The following ARHGAP6 variants were observed in gnomAD, a reference collection of about 807,000 sequenced individuals.
ARHGAP6 encodes rho GTPase-activating protein 6.
Under a neutral mutation model 55.7 loss-of-function variants are expected in ARHGAP6, and 16 were observed. The ratio of observed to expected loss-of-function variants is 0.29; its 90% CI spans 0.19 to 0.44. The LOEUF (loss-of-function observed/expected upper bound fraction) is 0.44. Among genes scored for constraint, ARHGAP6 ranks in the 20% least tolerant of loss-of-function variants. ARHGAP6 has a pLI of 1.00. For synonymous variants in ARHGAP6, 382 were observed against 360.9 expected, an observed-to-expected ratio of 1.06 and a Z score of -0.66; for missense variants, 698 against 808.9, an observed-to-expected ratio of 0.86 and a Z score of 1.66.
At chrX:11,514,211 G>GCCTGAATT (rs2050813746) in intron 1 of ARHGAP6, among the ~76,000 whole-genome samples, 1 of 102,966 alleles carries the variant, frequency 9.7e-6, no homozygotes, top group African/African-American at 3.6e-5. Flanking sequence ...AACGGAAAGT[G>GCCTGAATT]CCTGAATTCC....
At chrX:11,481,299 T>C (rs898871465) in intron 1 of ARHGAP6, among the ~76,000 whole-genome samples, 1 of 111,852 alleles carries the variant, frequency 8.9e-6, no homozygotes, top group Non-Finnish European at 1.9e-5. Flanking sequence ...CTAAGAGTAA[T>C]TTTTTTTCAC....
intron 2 of ARHGAP6, among the ~76,000 whole-genome samples, chrX:11,232,156 T>G (rs1426868964): frequency 2.7e-5 from 3 of 111,725 alleles, no homozygotes; most frequent in East Asian, 5.6e-4. Flanking sequence ...GTTATTCGAG[T>G]GTGCTATTGA....
At chrX:11,174,574 C>CTTCCTTTCTTTCTT (rs1569241197) in intron 8 of ARHGAP6, among the ~76,000 whole-genome samples, 39 of 43,562 alleles carry the variant, frequency 9.0e-4, no homozygotes, top group Non-Finnish European at 1.5e-3. Flanking sequence ...TCCTTCCTTC[C>CTTCCTTTCTTTCTT]TTTCTTTCTT....
chrX:11,264,232 A>T (rs2047596346), intron 1 of ARHGAP6, among the ~76,000 whole-genome samples: 1 of 111,699 alleles, frequency 9.0e-6, no homozygotes, highest in Non-Finnish European at 1.9e-5. Flanking sequence ...GTAAAAAAAA[A>T]AATCAAACAA....
chrX:11,520,790 T>C (rs1045650910), intron 1 of ARHGAP6, among the ~76,000 whole-genome samples: 3 of 111,689 alleles, frequency 2.7e-5, no homozygotes, highest in Non-Finnish European at 5.6e-5. Flanking sequence ...GGTGTAAAAG[T>C]GTTCCTATTT....
chrX:11,236,353 C>T (rs974570726), intron 2 of ARHGAP6, among the ~76,000 whole-genome samples: 2 of 111,620 alleles, frequency 1.8e-5, no homozygotes, highest in South Asian at 3.8e-4. Context: ...CAATTACCTC[C>T]CACTGGGTCC....
In ARHGAP6 at chrX:11,537,593, C is replaced by T. The variant is rs900858270; in HGVS notation, c.588+126648G>A. On this transcript the variant is annotated intron_variant, in intron 1 of 12. Transcript: ENST00000337414. Reference sequence around the variant, plus strand: ...TTATTAGCCATGGTATTTGAAATATCCCAAGTTCTGAACTTTTGTTCAACT... The same window carrying T: ...TTATTAGCCATGGTATTTGAAATATTCCAAGTTCTGAACTTTTGTTCAACT... Among the ~76,000 whole-genome samples the T allele has an allele frequency of 4.5e-5, 5 of 112,100 alleles. No individual in the cohort carries two copies. In the Admixed American group the frequency reaches 4.8e-4, roughly 11 times the overall value.
intron 1 of ARHGAP6, among the ~76,000 whole-genome samples, chrX:11,564,159 G>T (rs2051417810): frequency 9.0e-6 from 1 of 111,553 alleles, no homozygotes; most frequent in African/African-American, 3.2e-5. Flanking sequence ...AATATATACA[G>T]GTTAAATAAT....
chrX:11,517,196 C>A (rs766777325), intron 1 of ARHGAP6, among the ~76,000 whole-genome samples: 1 of 111,945 alleles, frequency 8.9e-6, no homozygotes, highest in East Asian at 2.8e-4. Flanking sequence ...TTAGCCCAGG[C>A]ATGACCTTCT....
intron 2 of ARHGAP6, among the ~76,000 whole-genome samples, chrX:11,228,772 T>C (rs1200081305): frequency 2.7e-5 from 3 of 112,354 alleles, no homozygotes; most frequent in Non-Finnish European, 5.6e-5. Flanking sequence ...CTTTAACCAC[T>C]GTTATTCTGA....
intron 1 of ARHGAP6, among the ~76,000 whole-genome samples, chrX:11,572,337 C>G (rs1019818337): frequency 9.1e-6 from 1 of 109,912 alleles, no homozygotes; most frequent in African/African-American, 3.3e-5. Context: ...ATCCCTCCCC[C>G]CTCCTCCCAC....
chrX:11,173,748 A>C, intron 8 of ARHGAP6, among the ~76,000 whole-genome samples: 1 of 112,193 alleles, frequency 8.9e-6, no homozygotes, highest in East Asian at 2.8e-4. Flanking sequence ...CCAGTGAATG[A>C]TGCATTGAAT....
intron 1 of ARHGAP6, among the ~76,000 whole-genome samples, chrX:11,519,035 T>G (rs2050881993): frequency 1.1e-5 from 1 of 94,733 alleles, no homozygotes. Context: ...AGTCTATCAT[T>G]GTTGGACATT....
rs1014538700 is a variant in ARHGAP6 at position 11,646,762 on chromosome X, C to G, written c.588+17479G>C. Among the ~76,000 whole-genome samples the G allele has an allele frequency of 2.7e-4, 30 of 111,532 alleles. No individual in the cohort carries two copies. The Admixed American group carries it at 2.9e-3, about 11-fold the overall frequency. On this transcript the variant is annotated intron_variant, in intron 1 of 12. Coordinates refer to ENST00000337414, the MANE Select transcript of ARHGAP6 (RefSeq NM_013427.3). ...GAAATAAACTAAGACATGACATAAG[C>G]CAAACAAACAAAATTGTTGAGAAAA...
At chrX:11,527,136 CAG>C (rs2050998901) in intron 1 of ARHGAP6, among the ~76,000 whole-genome samples, 3 of 108,109 alleles carry the variant, frequency 2.8e-5, no homozygotes, top group African/African-American at 1.0e-4. Flanking sequence ...GTCTAGGCTC[CAG>C]AGTTAAATTT....
At chrX:11,473,523 A>C (rs767470975) in intron 1 of ARHGAP6, among the ~76,000 whole-genome samples, 1 of 111,648 alleles carries the variant, frequency 9.0e-6, no homozygotes, top group Non-Finnish European at 1.9e-5. Flanking sequence ...AAAGAAGTCC[A>C]TGTGACAATG....
chrX:11,455,693 T>C (rs952123477), intron 1 of ARHGAP6, among the ~76,000 whole-genome samples: 2 of 111,962 alleles, frequency 1.8e-5, no homozygotes, highest in African/African-American at 3.2e-5. Context: ...TCTCCAATTG[T>C]AGTTTTCATC....
At chrX:11,636,713 G>A (rs2052424022) in intron 1 of ARHGAP6, among the ~76,000 whole-genome samples, 1 of 111,880 alleles carries the variant, frequency 8.9e-6, no homozygotes, top group Admixed American at 9.5e-5. Context: ...AATCAATTAA[G>A]ATTTTGAAAA....
At chrX:11,391,746 T>G (rs954059772) in intron 1 of ARHGAP6, among the ~76,000 whole-genome samples, 3 of 112,670 alleles carry the variant, frequency 2.7e-5, no homozygotes, top group African/African-American at 9.7e-5. Context: ...GAGTGAAGCT[T>G]GATCTTTGGC....
Sources: allele counts gnomAD v4.1 joint callset (sites outside exome capture counted in the v4.1 genomes callset), GRCh38; gene constraint gnomAD v4.1.1; transcripts MANE v1.5; gene names NCBI Gene and HGNC (gene_info 2026-07-23, HGNC 2026-07-21).